LRRTM4: variants seen among roughly 807,000 people sequenced by gnomAD.
LRRTM4 encodes the protein leucine rich repeat transmembrane neuronal 4, also known as leucine-rich repeat transmembrane neuronal protein 4.
LRRTM4 carries 25 observed loss-of-function variants against 47.6 expected under a neutral mutation model. The observed-to-expected ratio is 0.53, with a 90% CI of 0.38 to 0.73. LRRTM4 has a LOEUF of 0.73. LRRTM4 is among the 30% of genes least tolerant of loss of function. The probability of loss-of-function intolerance (pLI) is 0.00; values close to 1 mark genes in which losing one functional copy is unlikely to be tolerated. For synonymous variants in LRRTM4, 311 were observed against 269.5 expected (o/e 1.15, Z -1.51); for missense variants, 638 against 713.4 (o/e 0.89, Z 1.20).
chr2:76,963,406 A>G (rs2103918561), intron 3 of LRRTM4, among the ~76,000 whole-genome samples: 1 of 151,030 alleles, frequency 6.6e-6, no homozygotes, highest in East Asian at 2.0e-4. Context: ...TGTATTGATC[A>G]AGTGATTAAA....
chr2:77,263,302 A>C (rs1405878553), intron 3 of LRRTM4, among the ~76,000 whole-genome samples: 1 of 152,032 alleles, frequency 6.6e-6, no homozygotes, highest in Non-Finnish European at 1.5e-5. Context: ...CTTTGCAATA[A>C]ACCAGCAATC....
At chr2:77,437,978 T>G (rs1328658509) in intron 3 of LRRTM4, among the ~76,000 whole-genome samples, 2 of 152,172 alleles carry the variant, frequency 1.3e-5, no homozygotes, top group Non-Finnish European at 2.9e-5. Flanking sequence ...TTATGGAGAT[T>G]TAAACTTGTA....
intron 3 of LRRTM4, among the ~76,000 whole-genome samples, chr2:76,999,679 T>G (rs952917797): frequency 6.6e-6 from 1 of 152,164 alleles, no homozygotes; most frequent in Non-Finnish European, 1.5e-5. Context: ...AGAAACAATC[T>G]ACATGTATCT....
chr2:77,348,478 A>G (rs1381747804), intron 3 of LRRTM4, among the ~76,000 whole-genome samples: 1 of 150,574 alleles, frequency 6.6e-6, no homozygotes, highest in Non-Finnish European at 1.5e-5. Context: ...TTATAAGCTT[A>G]TATAATTTTA....
chr2:77,006,743 C>T (rs1677666301), intron 3 of LRRTM4, among the ~76,000 whole-genome samples: 1 of 152,116 alleles, frequency 6.6e-6, no homozygotes, highest in Non-Finnish European at 1.5e-5. Context: ...TGCGACTGGA[C>T]ATTTTGGTGC....
At chr2:76,767,901 A>G (rs1295956846) in intron 3 of LRRTM4, among the ~76,000 whole-genome samples, 1 of 152,224 alleles carries the variant, frequency 6.6e-6, no homozygotes, top group East Asian at 1.9e-4. Context: ...AGCAGCAGAA[A>G]GAATCTATAA....
At chr2:77,074,089 TTA>T (rs747341167) in intron 3 of LRRTM4, among the ~76,000 whole-genome samples, 1 of 152,176 alleles carries the variant, frequency 6.6e-6, no homozygotes, top group Non-Finnish European at 1.5e-5. Context: ...TAGTGATATT[TTA>T]TGTTTTGTTT....
At chr2:77,347,733 G>C (rs996440537) in intron 3 of LRRTM4, among the ~76,000 whole-genome samples, 1 of 151,878 alleles carries the variant, frequency 6.6e-6, no homozygotes, top group Non-Finnish European at 1.5e-5. Context: ...TGCTATAAAA[G>C]TTTCTAAACT....
At chr2:77,360,548 T>TCATACATA (rs34364581) in intron 3 of LRRTM4, among the ~76,000 whole-genome samples, 2,084 of 138,700 alleles carry the variant, frequency 0.015, 32 homozygotes, top group Non-Finnish European at 0.017. Context: ...ATACAATCAT[T>TCATACATA]CATACATACA....
chr2:76,951,304 G>C (rs1156354083), intron 3 of LRRTM4, among the ~76,000 whole-genome samples: 1 of 151,946 alleles, frequency 6.6e-6, no homozygotes, highest in East Asian at 1.9e-4. Flanking sequence ...GATTAGGAGA[G>C]TATGAACTGC....
chr2:77,175,539 A>G (rs970421419), intron 3 of LRRTM4, among the ~76,000 whole-genome samples: 1 of 152,046 alleles, frequency 6.6e-6, no homozygotes, highest in Non-Finnish European at 1.5e-5. Context: ...GCTCTCCATT[A>G]TCTCAAGCAG....
chr2:76,847,806 A>C (rs966231131), intron 3 of LRRTM4, among the ~76,000 whole-genome samples: 1 of 152,140 alleles, frequency 6.6e-6, no homozygotes, highest in Non-Finnish European at 1.5e-5. Context: ...ATCACATTTG[A>C]ATGTTTAATA....
rs537711513 is a variant in LRRTM4, at chr2:76,975,308, CAAG to C, written c.1552-226395_1552-226393del. Among the ~76,000 whole-genome samples the C allele has an allele frequency of 3.3e-5, 5 of 151,848 alleles. No homozygotes were observed. The South Asian group carries it at 1.0e-3, about 31-fold the overall frequency. On this transcript the variant is annotated intron_variant, in intron 3 of 3. Coordinates refer to ENST00000409884, the MANE Select transcript of LRRTM4 (RefSeq NM_001134745.3). ...TAATAGCTGTAATAGCTAGTTTAGG[CAAG>C]AAGGATTCAGCTTCACTTGCTCACT... is the stretch of plus-strand genomic sequence containing the variant.
chr2:77,169,383 T>C (rs889160050), intron 3 of LRRTM4, among the ~76,000 whole-genome samples: 2 of 152,168 alleles, frequency 1.3e-5, no homozygotes, highest in African/African-American at 2.4e-5. Context: ...TCATTTAAAA[T>C]TTTTGGTGGA....
chr2:77,330,753 CA>C (rs1382505771), intron 3 of LRRTM4, among the ~76,000 whole-genome samples: 1 of 151,830 alleles, frequency 6.6e-6, no homozygotes. Context: ...TTTTTGTTGA[CA>C]AAAGTATGTT....
intron 3 of LRRTM4, among the ~76,000 whole-genome samples, chr2:77,480,524 C>T (rs1203868638): frequency 1.4e-4 from 22 of 152,146 alleles, no homozygotes; most frequent in Admixed American, 1.4e-3. Flanking sequence ...TTGTTCAACT[C>T]GGCATTGTGA....
At position 77,470,546 on chromosome 2, in the gene LRRTM4, A is replaced by T. The variant is rs367585438; in HGVS notation, c.1551+47772T>A. On this transcript the variant is annotated intron_variant, in intron 3 of 3. Transcript: ENST00000409884. ...AGGTGAATCAGTTGAGTAAGCATTA[A>T]GTCCAAGGAATGTTACATCAGGTGC... Among the ~76,000 whole-genome samples, 102 of 152,288 alleles carry T rather than the reference A, an allele frequency of 6.7e-4. 3 individuals carry two copies. The South Asian group carries it at 0.02, about 30-fold the overall frequency.
chr2:77,116,689 C>T (rs920678371), intron 3 of LRRTM4, among the ~76,000 whole-genome samples: 1 of 152,064 alleles, frequency 6.6e-6, no homozygotes, highest in Non-Finnish European at 1.5e-5. Context: ...CTTTATTTTT[C>T]CATATTGTAA....
In LRRTM4 at chr2:77,521,727, C is replaced by A; in HGVS notation, c.-56G>T. 6.2e-7 allele frequency: 1 copy of A among 1,607,338 alleles called. No homozygotes were observed. The highest frequency in any genetic ancestry group is 8.5e-7 in the Non-Finnish European group (1 of 1,175,878). On this transcript the variant is annotated 5_prime_UTR_variant, in exon 2 of 4. The change creates a premature stop within an existing upstream ORF in the 5' untranslated region. Transcript: ENST00000409884. Reference sequence around the variant, plus strand: ...TCTCAGCTTTCTTCTTATTTGGTCTCTTGTGCGGAAACCACCACCACCTTC... The same window carrying A: ...TCTCAGCTTTCTTCTTATTTGGTCTATTGTGCGGAAACCACCACCACCTTC...
Sources: allele counts gnomAD v4.1 joint callset (sites outside exome capture counted in the v4.1 genomes callset), GRCh38; gene constraint gnomAD v4.1.1; transcripts MANE v1.5; gene names NCBI Gene and HGNC (gene_info 2026-07-23, HGNC 2026-07-21).